The following GRIA4 variants were observed in gnomAD, a reference collection of about 807,000 sequenced individuals.
The protein encoded by GRIA4 is glutamate ionotropic receptor AMPA type subunit 4.
Under a neutral mutation model 104.0 loss-of-function variants are expected in GRIA4, and 34 were observed. The ratio of observed to expected loss-of-function variants is 0.33; its 90% confidence interval spans 0.25 to 0.44. GRIA4 has a LOEUF of 0.44. Among genes scored for constraint, GRIA4 ranks in the 20% least tolerant of loss-of-function variants. The probability of loss-of-function intolerance (pLI) is 1.00; values close to 1 mark genes in which losing one functional copy is unlikely to be tolerated. For synonymous variants in GRIA4, 386 were observed against 381.9 expected, an observed-to-expected ratio of 1.01 and a Z score of -0.13; for missense variants, 750 against 1,096.5, an observed-to-expected ratio of 0.68 and a Z score of 4.46.
chr11:105,628,811 A>G (rs1565414712), intron 3 of GRIA4, among the ~76,000 whole-genome samples: 1 of 152,212 alleles, frequency 6.6e-6, no homozygotes, highest in East Asian at 1.9e-4. Flanking sequence ...TCCTCATTTA[A>G]CAGAATTGAT....
At chr11:105,955,562 T>C (rs1948566718) in intron 14 of GRIA4, among the ~76,000 whole-genome samples, 1 of 152,248 alleles carries the variant, frequency 6.6e-6, no homozygotes, top group East Asian at 1.9e-4. Context: ...TTTGCTATTG[T>C]ACACAGTGCT....
intron 6 of GRIA4, among the ~76,000 whole-genome samples, chr11:105,888,493 A>C (rs1358802763): frequency 6.6e-6 from 1 of 150,908 alleles, no homozygotes; most frequent in Non-Finnish European, 1.5e-5. Context: ...TCACCGTTTT[A>C]GCCGGGATGG....
intron 10 of GRIA4, chr11:105,913,118 A>G (rs867666986): frequency 1.5e-6 from 1 of 672,574 alleles, no homozygotes; most frequent in African/African-American, 1.9e-5. Flanking sequence ...TCAGTTATTC[A>G]TAAATATTTA....
chr11:105,828,940 G>A (rs765058304), intron 4 of GRIA4, among the ~76,000 whole-genome samples: 2 of 152,090 alleles, frequency 1.3e-5, no homozygotes, highest in Admixed American at 6.6e-5. Context: ...AGAAAGAATG[G>A]CTTGCTGATA....
intron 3 of GRIA4, among the ~76,000 whole-genome samples, chr11:105,745,989 C>T (rs1939632880): frequency 6.6e-6 from 1 of 152,038 alleles, no homozygotes; most frequent in Non-Finnish European, 1.5e-5. Context: ...AATACATTTC[C>T]CTCTTCCAAT....
intron 6 of GRIA4, among the ~76,000 whole-genome samples, chr11:105,891,672 T>C (rs531843588): frequency 6.6e-6 from 1 of 152,148 alleles, no homozygotes; most frequent in Non-Finnish European, 1.5e-5. Flanking sequence ...TCCCTAAATA[T>C]CCACTTTGAT....
intron 5 of GRIA4, among the ~76,000 whole-genome samples, chr11:105,864,593 G>A (rs545978947): frequency 4.3e-4 from 65 of 152,182 alleles, no homozygotes; most frequent in Non-Finnish European, 7.2e-4. Context: ...TTCTATGGCC[G>A]GGCATGGTGG....
intron 3 of GRIA4, among the ~76,000 whole-genome samples, chr11:105,750,684 T>C (rs979094674): frequency 5.9e-5 from 9 of 151,874 alleles, no homozygotes; most frequent in Non-Finnish European, 1.2e-4. Flanking sequence ...GAATAAAGAG[T>C]AGATGGACTT....
At chr11:105,710,984 G>A (rs1953889200) in intron 3 of GRIA4, among the ~76,000 whole-genome samples, 2 of 151,450 alleles carry the variant, frequency 1.3e-5, no homozygotes, top group Non-Finnish European at 2.9e-5. Flanking sequence ...TTTCTTGGTG[G>A]AGCCATTAAG....
chr11:105,624,675 T>C (rs1353014940), intron 3 of GRIA4, among the ~76,000 whole-genome samples: 1 of 152,130 alleles, frequency 6.6e-6, no homozygotes, highest in Non-Finnish European at 1.5e-5. Flanking sequence ...CATCACTTTT[T>C]GTTCCAAAAA....
chr11:105,698,930 T>A (rs1224027469), intron 3 of GRIA4, among the ~76,000 whole-genome samples: 1 of 152,158 alleles, frequency 6.6e-6, no homozygotes, highest in Admixed American at 6.5e-5. Flanking sequence ...AGATAGGAAG[T>A]CAGCCCCAAG....
chr11:105,713,953 G>A (rs1216571527), intron 3 of GRIA4, among the ~76,000 whole-genome samples: 2 of 152,104 alleles, frequency 1.3e-5, no homozygotes, highest in Non-Finnish European at 2.9e-5. Context: ...GAGTACAGCT[G>A]TGCTCAGCTA....
chr11:105,674,677 A>G (rs755174096), intron 3 of GRIA4, among the ~76,000 whole-genome samples: 13 of 151,972 alleles, frequency 8.6e-5, no homozygotes, highest in Non-Finnish European at 1.6e-4. Context: ...TACACATTGT[A>G]TTATTATAGT....
At chr11:105,656,679 T>C (rs1486243020) in intron 3 of GRIA4, among the ~76,000 whole-genome samples, 1 of 152,022 alleles carries the variant, frequency 6.6e-6, no homozygotes, top group Non-Finnish European at 1.5e-5. Context: ...TTGACTTATT[T>C]CCCTCAAGGT....
chr11:105,722,269 T>A (rs1451972885), intron 3 of GRIA4, among the ~76,000 whole-genome samples: 17 of 152,174 alleles, frequency 1.1e-4, no homozygotes, highest in Admixed American at 1.1e-3. Flanking sequence ...CATTTTCAAC[T>A]TATGATGTTT....
intron 4 of GRIA4, among the ~76,000 whole-genome samples, chr11:105,841,864 A>T (rs533985978): frequency 1.3e-5 from 2 of 152,282 alleles, no homozygotes; most frequent in South Asian, 2.1e-4. Context: ...CATAAAAGAG[A>T]TTCTTACTTC....
intron 14 of GRIA4, among the ~76,000 whole-genome samples, chr11:105,947,089 A>C (rs1254334692): frequency 6.6e-6 from 1 of 151,996 alleles, no homozygotes; most frequent in African/African-American, 2.4e-5. Context: ...AGACTCATTC[A>C]AACTAAGTAA....
intron 14 of GRIA4, among the ~76,000 whole-genome samples, chr11:105,969,644 A>G (rs1858582227): frequency 6.6e-6 from 1 of 152,150 alleles, no homozygotes. Flanking sequence ...TCCAGTTTTC[A>G]GCACTGAGTC....
chr11:105,872,940 AT>A (rs796403258), intron 5 of GRIA4, among the ~76,000 whole-genome samples: 4 of 151,638 alleles, frequency 2.6e-5, no homozygotes, highest in African/African-American at 9.7e-5. Context: ...ATCTTTTTTT[AT>A]TTTTTTAAGT....
Sources: allele counts gnomAD v4.1 joint callset (sites outside exome capture counted in the v4.1 genomes callset), GRCh38; gene constraint gnomAD v4.1.1; transcripts MANE v1.5; gene names NCBI Gene and HGNC (gene_info 2026-07-23, HGNC 2026-07-21).